The following PTCHD4 variants were observed in gnomAD, a reference collection of about 807,000 sequenced individuals.
PTCHD4 encodes patched domain containing 4.
A neutral mutation model predicts 58.1 loss-of-function variants in PTCHD4; 33 were observed. That is an observed-to-expected ratio of 0.57 (90% confidence interval 0.43 to 0.76). PTCHD4 has a LOEUF of 0.76. Among genes scored for constraint, PTCHD4 ranks in the 30% least tolerant of loss-of-function variants. The pLI is 0.00. For missense variants in PTCHD4, 1,058 were observed against 1,027.1 expected (o/e 1.03, Z -0.41); for synonymous variants, 478 against 409.6 (o/e 1.17, Z -2.02).
At chr6:48,047,431 A>G (rs544283676) in intron 3 of PTCHD4, among the ~76,000 whole-genome samples, 90 of 151,918 alleles carry the variant, frequency 5.9e-4, no homozygotes, top group Middle Eastern at 3.4e-3. Flanking sequence ...CCAATGAAAA[A>G]ATGTGTTTGA....
At position 47,890,099 on chromosome 6, in the gene PTCHD4, C is replaced by CGT. The variant is rs1561941445; in HGVS notation, c.899-10165_899-10164dup. ...TACAGATATACACCCATATCACATA[C>CGT]GTATACACACATATATGCATATATA... On this transcript the variant is annotated intron_variant, in intron 4 of 4. Transcript: ENST00000339488. 2.0e-5 allele frequency among the ~76,000 whole-genome samples: 3 copies of CGT among 151,432 alleles called. No homozygotes were observed. In the East Asian group the frequency reaches 5.8e-4, roughly 29 times the overall value.
At position 47,960,962 on chromosome 6, in the gene PTCHD4, T is replaced by TA. The variant is rs66754863; in HGVS notation, c.898+47671dup. On this transcript the variant is annotated intron_variant, in intron 4 of 4. Transcript: ENST00000339488. The stretch of plus-strand genomic sequence containing the variant: ...TCTTGACCTAGCTGCCTTTTTTTTT[T>TA]AAAAAAAAAAAAAAAAAAAGAGACA... Among the ~76,000 whole-genome samples the TA allele has an allele frequency of 7.3e-3, 877 of 119,870 alleles. 5 individuals are homozygous for TA. The highest frequency in any genetic ancestry group is 0.017 in the African/African-American group (545 of 32,222). The allele number at this position is 119,870 out of a possible 152,430, so 78.6% of individuals were successfully genotyped here.
intron 4 of PTCHD4, among the ~76,000 whole-genome samples, chr6:48,006,873 AT>A (rs1762456104): frequency 6.6e-6 from 1 of 152,166 alleles, no homozygotes; most frequent in Non-Finnish European, 1.5e-5. Context: ...ATACTGTTAC[AT>A]TTTTCAAACC....
intron 4 of PTCHD4, among the ~76,000 whole-genome samples, chr6:47,921,802 A>T (rs1765439609): frequency 6.6e-6 from 1 of 152,012 alleles, no homozygotes. Flanking sequence ...AGAAGAATAC[A>T]TTTTTATTTT....
rs1449147642 is a variant in PTCHD4 at position 47,873,696 on chromosome 6, T to G, written c.*4607A>C. 6.6e-6 allele frequency among the ~76,000 whole-genome samples: 1 copy of G among 151,636 alleles called. No individual in the cohort carries two copies. Among genetic ancestry groups the G allele is most frequent in the African/African-American group, 2.4e-5 (1 of 41,364 alleles). On this transcript the variant is annotated 3_prime_UTR_variant, in exon 5 of 5. Transcript: ENST00000339488. ...AGCTCACTGATTTAAAATATTAGCA[T>G]AAAGGTCCGCACCACAGTGATGATG...
At chr6:48,043,154 G>A (rs2114155090) in intron 3 of PTCHD4, among the ~76,000 whole-genome samples, 1 of 151,944 alleles carries the variant, frequency 6.6e-6, no homozygotes, top group East Asian at 1.9e-4. Flanking sequence ...ACAAACCAAT[G>A]TATTAAATAT....
At chr6:47,989,389 A>G (rs12214094) in intron 4 of PTCHD4, among the ~76,000 whole-genome samples, 18,937 of 152,234 alleles carry the variant, frequency 0.12, 1,479 homozygotes, top group South Asian at 0.2. Flanking sequence ...GTTAATCACA[A>G]AGACAATGGG....
intron 4 of PTCHD4, among the ~76,000 whole-genome samples, chr6:47,923,995 G>GA (rs1711837625): frequency 3.3e-5 from 5 of 152,036 alleles, no homozygotes; most frequent in Non-Finnish European, 7.4e-5. Context: ...ACTAACTCTG[G>GA]ATGGTCAGCA....
chr6:47,935,217 T>C (rs562342293), intron 4 of PTCHD4, among the ~76,000 whole-genome samples: 3 of 152,322 alleles, frequency 2.0e-5, no homozygotes, highest in African/African-American at 7.2e-5. Flanking sequence ...GATTTTGTTC[T>C]TGGGTTAAAT....
intron 4 of PTCHD4, among the ~76,000 whole-genome samples, chr6:48,000,242 C>G (rs1049231951): frequency 2.0e-5 from 3 of 152,122 alleles, no homozygotes; most frequent in African/African-American, 7.2e-5. Flanking sequence ...TTAACATGAT[C>G]AAGGCATTAT....
At chr6:48,081,368 A>G (rs1381343694) in intron 1 of PTCHD4, among the ~76,000 whole-genome samples, 1 of 152,054 alleles carries the variant, frequency 6.6e-6, no homozygotes, top group African/African-American at 2.4e-5. Context: ...AGATATATAG[A>G]CTCTGGATAC....
intron 3 of PTCHD4, among the ~76,000 whole-genome samples, chr6:48,027,162 C>T (rs149526764): frequency 2.0e-5 from 3 of 152,178 alleles, no homozygotes; most frequent in Non-Finnish European, 4.4e-5. Flanking sequence ...CCAGATAACA[C>T]TACCAAATTA....
intron 4 of PTCHD4, among the ~76,000 whole-genome samples, chr6:47,958,499 C>T (rs964884256): frequency 6.6e-6 from 1 of 152,178 alleles, no homozygotes; most frequent in African/African-American, 2.4e-5. Context: ...TAGATCATTG[C>T]CTCGAGAGAG....
chr6:47,985,844 T>G (rs900317752), intron 4 of PTCHD4, among the ~76,000 whole-genome samples: 2 of 152,048 alleles, frequency 1.3e-5, no homozygotes, highest in Non-Finnish European at 2.9e-5. Context: ...TTTTAAAATT[T>G]TGTTTGCTCT....
intron 4 of PTCHD4, among the ~76,000 whole-genome samples, chr6:47,931,425 G>C (rs953606179): frequency 6.6e-6 from 1 of 152,186 alleles, no homozygotes; most frequent in African/African-American, 2.4e-5. Flanking sequence ...GATGAACACA[G>C]CATTGTGAAC....
chr6:48,044,881 C>T (rs920765939), intron 3 of PTCHD4, among the ~76,000 whole-genome samples: 2 of 151,826 alleles, frequency 1.3e-5, no homozygotes, highest in Admixed American at 1.3e-4. Context: ...TGGAATAGCA[C>T]CATAAGATTT....
rs372181574 is a variant in PTCHD4 at position 48,001,178 on chromosome 6, T to C, written c.898+7456A>G. ...ATCAATATCATGAAAATGGCCATAC[T>C]GCCCTAGGTAATTTATAGATTCAAT... On this transcript the variant is annotated intron_variant, in intron 4 of 4. Coordinates refer to ENST00000339488, the MANE Select transcript of PTCHD4 (RefSeq NM_001384253.1). 3.9e-5 allele frequency among the ~76,000 whole-genome samples: 6 copies of C among 152,288 alleles called. No individual in the cohort carries two copies. In the East Asian group the frequency reaches 7.7e-4, roughly 20 times the overall value.
chr6:47,871,495 G>C lies in PTCHD4; in HGVS notation c.*6808C>G, dbSNP rs191565700. Among the ~76,000 whole-genome samples, 472 of 151,592 alleles carry C rather than the reference G, an allele frequency of 3.1e-3. 4 individuals carry two copies. The highest frequency in any genetic ancestry group is 0.01 in the African/African-American group (420 of 41,490). On this transcript the variant is annotated 3_prime_UTR_variant, in exon 5 of 5. Coordinates refer to ENST00000339488, the MANE Select transcript of PTCHD4 (RefSeq NM_001384253.1). ...ACTCTCTTTCTGAGTCAATTTTTGA[G>C]CTCTGGGATATCTGTAGGGAGACAA...
intron 1 of PTCHD4, among the ~76,000 whole-genome samples, chr6:48,103,303 G>A (rs928374673): frequency 1.2e-4 from 19 of 152,154 alleles, no homozygotes; most frequent in East Asian, 3.9e-4. Flanking sequence ...ACCAATATCC[G>A]CTGTTCTGCA....
Sources: allele counts gnomAD v4.1 joint callset (sites outside exome capture counted in the v4.1 genomes callset), GRCh38; gene constraint gnomAD v4.1.1; transcripts MANE v1.5; gene names NCBI Gene and HGNC (gene_info 2026-07-23, HGNC 2026-07-21).